Variants in GRIK3 observed in about 807,000 individuals in gnomAD.
The protein encoded by GRIK3 is glutamate receptor ionotropic, kainate 3.
A neutral mutation model predicts 102.5 loss-of-function variants in GRIK3; 29 were observed. The observed-to-expected ratio is 0.28, with a 90% confidence interval of 0.21 to 0.39. The LOEUF (loss-of-function observed/expected upper bound fraction) is 0.39, where lower values mean the gene tolerates loss of function less well. GRIK3 is among the 10% of genes least tolerant of loss of function. The pLI, the probability that GRIK3 is intolerant of heterozygous loss-of-function variation, is 1.00. For synonymous variants in GRIK3, 511 were observed against 504.9 expected, an observed-to-expected ratio of 1.01 and a Z score of -0.16; for missense variants, 908 against 1,252.4, an observed-to-expected ratio of 0.73 and a Z score of 4.15.
At chr1:36,990,747 C>T (rs78521407) in intron 1 of GRIK3, among the ~76,000 whole-genome samples, 3,936 of 152,226 alleles carry the variant, frequency 0.026, 178 homozygotes, top group African/African-American at 0.09. Context: ...TCTAGAGCCA[C>T]TGGGCAGTTG....
intron 9 of GRIK3, among the ~76,000 whole-genome samples, chr1:36,848,718 G>T (rs1640546320): frequency 6.8e-6 from 1 of 147,226 alleles, no homozygotes; most frequent in African/African-American, 2.5e-5. Flanking sequence ...TTGCCCATTA[G>T]TCTTCACCCT....
At chr1:37,021,130 G>C (rs1197007014) in intron 1 of GRIK3, among the ~76,000 whole-genome samples, 2 of 133,126 alleles carry the variant, frequency 1.5e-5, no homozygotes, top group Non-Finnish European at 3.1e-5. Context: ...GTGTCTGTGA[G>C]AGAGAGAGAG....
chr1:37,033,422 C>G (rs1453357101), intron 1 of GRIK3, among the ~76,000 whole-genome samples: 3 of 152,216 alleles, frequency 2.0e-5, no homozygotes, highest in Non-Finnish European at 4.4e-5. Flanking sequence ...CCTGCTCCCC[C>G]AACCCCCGCC....
intron 3 of GRIK3, among the ~76,000 whole-genome samples, chr1:36,877,444 C>G (rs973466979): frequency 6.6e-6 from 1 of 152,158 alleles, no homozygotes; most frequent in Admixed American, 6.6e-5. Context: ...CTCCTTCCAA[C>G]CCTCCCTGTG....
At chr1:36,941,505 G>T (rs1212930050) in intron 1 of GRIK3, among the ~76,000 whole-genome samples, 1 of 152,126 alleles carries the variant, frequency 6.6e-6, no homozygotes, top group African/African-American at 2.4e-5. Context: ...AGCTGCCTTT[G>T]GCTCCCATGC....
chr1:36,857,361 C>G (rs1438588016), intron 7 of GRIK3, among the ~76,000 whole-genome samples: 1 of 152,190 alleles, frequency 6.6e-6, no homozygotes, highest in Non-Finnish European at 1.5e-5. Context: ...ATTGCCCAGC[C>G]AGGGCCCTGC....
intron 2 of GRIK3, among the ~76,000 whole-genome samples, chr1:36,881,981 T>C (rs949178306): frequency 6.6e-6 from 1 of 150,806 alleles, no homozygotes; most frequent in African/African-American, 2.4e-5. Flanking sequence ...TCTTCCCTCA[T>C]AGAGCCTCAA....
chr1:36,881,745 T>A (rs1447687115), intron 2 of GRIK3, among the ~76,000 whole-genome samples: 1 of 152,162 alleles, frequency 6.6e-6, no homozygotes, highest in Non-Finnish European at 1.5e-5. Context: ...ACTCCTTTGC[T>A]TCAAGGGCTC....
chr1:36,922,255 G>C (rs746960672), intron 1 of GRIK3, among the ~76,000 whole-genome samples: 1 of 152,214 alleles, frequency 6.6e-6, no homozygotes, highest in East Asian at 1.9e-4. Flanking sequence ...TGGGTGCCTC[G>C]TGGTTCCTGA....
In GRIK3 at chr1:36,817,138, G is replaced by T; in HGVS notation, c.2013C>A (p.Asp671Glu). 1.2e-6 allele frequency: 2 copies of T among 1,614,138 alleles called. No individual in the cohort carries two copies. The highest frequency in any genetic ancestry group is 1.7e-6 in the Non-Finnish European group (2 of 1,179,992). ...LTVERMESPI[D>E]SADDLAKQTK... ...TTTGCTTGGCCAGGTCATCAGCAGAGTCAATGGGTGATTCCATGCGCTCCA... is the reference window on the plus strand; with the variant it reads ...TTTGCTTGGCCAGGTCATCAGCAGATTCAATGGGTGATTCCATGCGCTCCA... Residue 671 changes from aspartate (D) to glutamate (E), a missense_variant, in exon 13 of 16, where the codon GAC becomes GAA. By Grantham distance (45) the Asp-to-Glu change is conservative. This residue lies in a region of GRIK3 where 297 missense variants were observed against 362.7 expected (regional missense o/e 0.82). Transcript: ENST00000373091.
rs1641109973 is a variant in GRIK3 at position 36,891,081 on chromosome 1, T to C, written c.131A>G (p.Tyr44Cys). 1 of 1,612,562 alleles carries C rather than the reference T, an allele frequency of 6.2e-7. No individual in the cohort carries two copies. Among genetic ancestry groups the C allele is most frequent in the Non-Finnish European group, 8.5e-7 (1 of 1,179,052 alleles). Residue 44 changes from tyrosine (Y) to cysteine (C), a missense_variant, in exon 2 of 16, where the codon TAT becomes TGT. This residue lies in a region of GRIK3 where 585 missense variants were observed against 824.9 expected (regional missense o/e 0.71). Transcript: ENST00000373091. ...HVIRIGGIFEYADGPNAQVMN... is the reference protein window; with the variant it reads ...HVIRIGGIFECADGPNAQVMN... ...GACCTGGGCGTTGGGGCCGTCCGCATACTCGAAGATTCCTCCTGTGAAAGA... is the reference window on the plus strand; with the variant it reads ...GACCTGGGCGTTGGGGCCGTCCGCACACTCGAAGATTCCTCCTGTGAAAGA...
chr1:36,832,869 C>T (rs1166168993), intron 10 of GRIK3, among the ~76,000 whole-genome samples: 2 of 152,226 alleles, frequency 1.3e-5, no homozygotes, highest in African/African-American at 4.8e-5. Flanking sequence ...CAGGGCCTGA[C>T]CTAGCACAGC....
chr1:36,931,099 C>T (rs1557429510), intron 1 of GRIK3, among the ~76,000 whole-genome samples: 1 of 152,196 alleles, frequency 6.6e-6, no homozygotes, highest in Non-Finnish European at 1.5e-5. Context: ...CCCCTTCACT[C>T]AGTCGGTTGG....
At chr1:36,822,066 A>G (rs1642701506) in intron 11 of GRIK3, among the ~76,000 whole-genome samples, 1 of 152,178 alleles carries the variant, frequency 6.6e-6, no homozygotes, top group Non-Finnish European at 1.5e-5. Flanking sequence ...GTTTCTAACC[A>G]TGCCTTGACT....
intron 1 of GRIK3, among the ~76,000 whole-genome samples, chr1:36,892,138 T>C (rs1641124214): frequency 6.6e-6 from 1 of 152,090 alleles, no homozygotes; most frequent in East Asian, 1.9e-4. Context: ...CCAACCTCAG[T>C]CTCTCAAGTT....
At chr1:36,856,623 C>G (rs756194646) in intron 7 of GRIK3, among the ~76,000 whole-genome samples, 1 of 152,120 alleles carries the variant, frequency 6.6e-6, no homozygotes, top group Non-Finnish European at 1.5e-5. Context: ...ACAGGTACCA[C>G]GGGGCTATTC....
At chr1:36,812,602 C>T (rs1642575077) in intron 13 of GRIK3, among the ~76,000 whole-genome samples, 1 of 151,548 alleles carries the variant, frequency 6.6e-6, no homozygotes. Context: ...TTTGTGATGT[C>T]TGCTGCTCCC....
chr1:36,859,081 C>T (rs1274469613), intron 7 of GRIK3, 27 bp downstream of exon 7: 1 of 1,573,710 alleles, frequency 6.4e-7, no homozygotes. Context: ...GGGGAGACAA[C>T]ACTGGTGGGG....
rs1355327667 is a variant in GRIK3, at chr1:36,850,960, C to G, written c.1213-536G>C. On this transcript the variant is annotated intron_variant, in intron 8 of 15. Coordinates refer to ENST00000373091, the MANE Select transcript of GRIK3 (RefSeq NM_000831.4). This position sits in a 1 kb window ranked among gnomAD's most constrained non-coding sequence, Gnocchi z 4.0. ...CAGACTAAGGTAGAATAATCTCTCT[C>G]TCTACAGCGTCCTTGTGGATATCGG... Among the ~76,000 whole-genome samples, 2 of 152,216 alleles carry G rather than the reference C, an allele frequency of 1.3e-5. No homozygotes were observed. The highest frequency in any genetic ancestry group is 2.9e-5 in the Non-Finnish European group (2 of 68,036).
Sources: gnomAD v4.1 joint callset for allele counts (sites outside exome capture counted in the v4.1 genomes callset) on GRCh38, gnomAD v4.1.1 for gene constraint, gnomAD v4.1.1 regional missense constraint, Gnocchi (gnomAD v3.1) non-coding constraint, MANE v1.5 for transcripts, NCBI Gene and HGNC (gene_info 2026-07-23, HGNC 2026-07-21) for gene names.